Variants in IRF2 observed in about 807,000 individuals in gnomAD.
The protein encoded by IRF2 is interferon regulatory factor 2.
IRF2 carries 15 observed loss-of-function variants against 40.6 expected under a neutral mutation model. That is an observed-to-expected ratio of 0.37 (90% CI 0.25 to 0.57). IRF2 has a LOEUF of 0.57. Among genes scored for constraint, IRF2 ranks in the 20% least tolerant of loss-of-function variants. The pLI, the probability that IRF2 is intolerant of heterozygous loss-of-function variation, is 0.77. For synonymous variants in IRF2, 151 were observed against 165.5 expected (o/e 0.91, Z 0.67); for missense variants, 317 against 455.7 (o/e 0.70, Z 2.77).
chr4:184,400,397 C>A (rs1483242559), intron 6 of IRF2, among the ~76,000 whole-genome samples: 1 of 152,102 alleles, frequency 6.6e-6, no homozygotes, highest in African/African-American at 2.4e-5. Context: ...TATCAGTCAT[C>A]GGTTCCTTTT....
chr4:184,409,608 T>C (rs1238438248), intron 5 of IRF2, among the ~76,000 whole-genome samples: 3 of 152,174 alleles, frequency 2.0e-5, no homozygotes, highest in African/African-American at 7.2e-5. Flanking sequence ...GTCTGCCTTT[T>C]CTTGGGCCAA....
At chr4:184,437,299 A>G (rs1363097749) in intron 1 of IRF2, among the ~76,000 whole-genome samples, 1 of 152,058 alleles carries the variant, frequency 6.6e-6, no homozygotes, top group Non-Finnish European at 1.5e-5. Flanking sequence ...CTGATGATCC[A>G]CCTGCTTTGG....
chr4:184,445,583 A>G (rs895242619), intron 1 of IRF2, among the ~76,000 whole-genome samples: 16 of 150,602 alleles, frequency 1.1e-4, no homozygotes, highest in Non-Finnish European at 1.9e-4. Context: ...TGAACCCTGG[A>G]GGCAGAGGTT....
intron 1 of IRF2, among the ~76,000 whole-genome samples, chr4:184,469,297 T>C (rs146044640): frequency 2.0e-4 from 31 of 152,228 alleles, no homozygotes; most frequent in African/African-American, 7.0e-4. Context: ...TTGGCTATAA[T>C]GAGTTCAGTG....
chr4:184,398,970 C>T lies in IRF2; in HGVS notation c.639G>A (p.Pro213=), dbSNP rs758246792. The T allele has an allele frequency of 6.2e-6, 10 of 1,612,788 alleles. No individual in the cohort carries two copies. The highest frequency in any genetic ancestry group is 4.5e-5 in the East Asian group (2 of 44,660). Residue 213 remains proline (P), a synonymous_variant, in exon 7 of 9, where the codon CCG becomes CCA. Coordinates refer to ENST00000393593, the MANE Select transcript of IRF2 (RefSeq NM_002199.4). The part of the protein sequence containing the change: ...VEVTTESDEQ[P]VSMSELYPLQ... ...GAGGGTAGAGCTCGCTCATGCTGAC[C>T]GGCTGCTCGTCGCTCTCAGTGGTCA...
At chr4:184,457,148 G>A (rs1005895082) in intron 1 of IRF2, among the ~76,000 whole-genome samples, 3 of 152,256 alleles carry the variant, frequency 2.0e-5, no homozygotes, top group Non-Finnish European at 4.4e-5. Context: ...AATAGACTGT[G>A]TTATGTGACA....
intron 1 of IRF2, among the ~76,000 whole-genome samples, chr4:184,454,845 G>A (rs2149914550): frequency 6.6e-6 from 1 of 152,290 alleles, no homozygotes; most frequent in East Asian, 1.9e-4. Flanking sequence ...AGAAGAAACA[G>A]ATAAAGGCTA....
Position 184,461,762 on chromosome 4 carries a change from C to T in IRF2, c.-7+12617G>A, listed in dbSNP as rs191440296. On this transcript the variant is annotated intron_variant, in intron 1 of 8. Coordinates refer to ENST00000393593, the MANE Select transcript of IRF2 (RefSeq NM_002199.4). ...TTCAAGAAAAACAAAAATCGCAATG[C>T]ATTAAAAGCACCTGTAAGTTAAGTA... 2.0e-3 allele frequency among the ~76,000 whole-genome samples: 265 copies of T among 133,096 alleles called. 1 individual carries two copies. Among genetic ancestry groups the T allele is most frequent in the Admixed American group, 7.8e-3 (87 of 11,086 alleles). The allele number at this position is 133,096 out of a possible 152,430, so 87.3% of individuals were successfully genotyped here. A position where few individuals can be genotyped will look rare whatever the true frequency, so the allele number is the denominator to read the frequency against.
intron 1 of IRF2, among the ~76,000 whole-genome samples, chr4:184,434,307 C>A (rs72703780): frequency 0.055 from 8,317 of 152,254 alleles, 303 homozygotes; most frequent in Middle Eastern, 0.13. Context: ...TGGGCTAATC[C>A]CTCCATCTTC....
At chr4:184,420,902 G>A (rs1737459497) in intron 2 of IRF2, among the ~76,000 whole-genome samples, 1 of 152,240 alleles carries the variant, frequency 6.6e-6, no homozygotes, top group African/African-American at 2.4e-5. Flanking sequence ...CCCAGGTCAT[G>A]CGACTCCATA....
chr4:184,391,984 T>G (rs1378000669), intron 7 of IRF2, among the ~76,000 whole-genome samples: 2 of 152,220 alleles, frequency 1.3e-5, no homozygotes, highest in Non-Finnish European at 2.9e-5. Flanking sequence ...ACATCAGCAC[T>G]GCTTAACACT....
At chr4:184,405,900 C>G (rs1481756193) in intron 6 of IRF2, among the ~76,000 whole-genome samples, 1 of 152,184 alleles carries the variant, frequency 6.6e-6, no homozygotes, top group Non-Finnish European at 1.5e-5. Flanking sequence ...CCAGGTCTCT[C>G]GGTTGGCACC....
chr4:184,391,814 G>T (rs1394626825), intron 7 of IRF2, among the ~76,000 whole-genome samples: 1 of 152,242 alleles, frequency 6.6e-6, no homozygotes, highest in Non-Finnish European at 1.5e-5. Flanking sequence ...TGGCCTGCCA[G>T]CTGTGAGACA....
rs772633612 is a variant in IRF2, at chr4:184,390,848, G to A, written c.695-99C>T. The A allele has an allele frequency of 3.9e-5, 45 of 1,155,384 alleles. 1 individual carries two copies. Among genetic ancestry groups the A allele is most frequent in the Admixed American group, 8.9e-5 (5 of 56,438 alleles). 71.6% of individuals were successfully genotyped at this position (1,155,384 alleles called of 1,614,324 possible). On this transcript the variant is annotated intron_variant, in intron 7 of 8. Transcript: ENST00000393593. ...TAAAAAGGAGACTGAGTAACTAAAC[G>A]CATCACCTCCCTCCCTTTGTAAAGC...
intron 5 of IRF2, among the ~76,000 whole-genome samples, chr4:184,410,823 A>G (rs3775556): frequency 0.28 from 42,593 of 152,080 alleles, 6,154 homozygotes; most frequent in Admixed American, 0.36. Context: ...TCTACAGTTT[A>G]ATTAGTGACA....
intron 1 of IRF2, among the ~76,000 whole-genome samples, chr4:184,472,998 G>T (rs1026687048): frequency 6.6e-6 from 1 of 152,166 alleles, no homozygotes; most frequent in Non-Finnish European, 1.5e-5. Flanking sequence ...AGTTACACCC[G>T]CGACCCTTGG....
intron 8 of IRF2, among the ~76,000 whole-genome samples, chr4:184,389,971 G>A: frequency 6.6e-6 from 1 of 152,258 alleles, no homozygotes; most frequent in Non-Finnish European, 1.5e-5. Flanking sequence ...CAACCTTGAA[G>A]AAATCAGGCC....
chr4:184,408,621 C>T lies in IRF2; in HGVS notation c.412-346G>A, dbSNP rs1736951946. On this transcript the variant is annotated intron_variant, in intron 5 of 8. Coordinates refer to ENST00000393593, the MANE Select transcript of IRF2 (RefSeq NM_002199.4). This position sits in a 1 kb window ranked among gnomAD's most constrained non-coding sequence, Gnocchi z 4.9. ...CTGCACTGCGTGGATTCTACACTCT[C>T]CTCCTCTGAGGGGGTGCTCAAAAGA... is the stretch of plus-strand genomic sequence containing the variant. Among the ~76,000 whole-genome samples the T allele has an allele frequency of 1.3e-5, 2 of 152,246 alleles. No individual in the cohort carries two copies. Among genetic ancestry groups the T allele is most frequent in the South Asian group, 2.1e-4 (1 of 4,832 alleles).
rs1482588865 is a variant in IRF2, at chr4:184,388,394, T to G, written c.*364A>C. On this transcript the variant is annotated 3_prime_UTR_variant, in exon 9 of 9. Transcript: ENST00000393593. This position sits in a 1 kb window ranked among gnomAD's most constrained non-coding sequence, Gnocchi z 4.6. ...TCGCTAGTGCTGCCTATGTACATATTCACAAGAATAAAAAATTCCAGCTAG... is the reference window on the plus strand; with the variant it reads ...TCGCTAGTGCTGCCTATGTACATATGCACAAGAATAAAAAATTCCAGCTAG... 3 of 242,590 alleles carry G rather than the reference T, an allele frequency of 1.2e-5. No homozygotes were observed. The highest frequency in any genetic ancestry group is 2.4e-5 in the Non-Finnish European group (3 of 126,030). 15.0% of individuals were successfully genotyped at this position (242,590 alleles called of 1,614,324 possible). A position where few individuals can be genotyped will look rare whatever the true frequency, so the allele number is the denominator to read the frequency against.
Sources: gnomAD v4.1 joint callset for allele counts (sites outside exome capture counted in the v4.1 genomes callset) on GRCh38, gnomAD v4.1.1 for gene constraint, Gnocchi (gnomAD v3.1) non-coding constraint, MANE v1.5 for transcripts, NCBI Gene and HGNC (gene_info 2026-07-23, HGNC 2026-07-21) for gene names.